DGKK: variants seen among roughly 807,000 people sequenced by gnomAD.
The protein encoded by DGKK is diacylglycerol kinase kappa, also known as 142 kDa diacylglycerol kinase.
A neutral mutation model predicts 92.2 loss-of-function variants in DGKK; 35 were observed. That is an observed-to-expected ratio of 0.38 (90% CI 0.29 to 0.50). The LOEUF (loss-of-function observed/expected upper bound fraction) is 0.50. Among genes scored for constraint, DGKK ranks in the 20% least tolerant of loss-of-function variants. The pLI is 0.92. For missense variants in DGKK, 910 were observed against 992.2 expected (o/e 0.92, Z 1.11); for synonymous variants, 368 against 360.6 (o/e 1.02, Z -0.23).
At chrX:50,431,490 A>G (rs1925886880) in intron 1 of DGKK, among the ~76,000 whole-genome samples, 1 of 111,543 alleles carries the variant, frequency 9.0e-6, no homozygotes, top group Non-Finnish European at 1.9e-5. Context: ...TTCCGTTTTA[A>G]TTTCTCTTGT....
intron 1 of DGKK, among the ~76,000 whole-genome samples, chrX:50,454,352 T>C (rs1602303910): frequency 9.0e-6 from 1 of 111,531 alleles, no homozygotes; most frequent in South Asian, 3.9e-4. Context: ...AGGTGTTAAA[T>C]GAATGATTTT....
intron 1 of DGKK, among the ~76,000 whole-genome samples, chrX:50,427,648 A>G (rs1000925341): frequency 5.7e-5 from 6 of 105,870 alleles, no homozygotes; most frequent in African/African-American, 2.0e-4. Flanking sequence ...AGTAGCCCCA[A>G]GCAGGTAACA....
intron 2 of DGKK, 128 bp downstream of exon 2, chrX:50,424,120 A>G (rs1925674317): frequency 2.0e-6 from 1 of 499,537 alleles, no homozygotes; most frequent in Admixed American, 4.4e-5. Flanking sequence ...CAAGTTAAAA[A>G]AAGAGTAGAG....
intron 1 of DGKK, among the ~76,000 whole-genome samples, chrX:50,457,550 A>T (rs781969407): frequency 8.9e-6 from 1 of 111,959 alleles, no homozygotes; most frequent in South Asian, 3.7e-4. Flanking sequence ...ATTTTGTAAG[A>T]TACTTCGTAT....
intron 2 of DGKK, among the ~76,000 whole-genome samples, chrX:50,423,828 TCG>T (rs1925665091): frequency 8.9e-6 from 1 of 112,326 alleles, no homozygotes; most frequent in Non-Finnish European, 1.9e-5. Context: ...TTATTTAAAA[TCG>T]TATTTTTCTT....
intron 8 of DGKK, among the ~76,000 whole-genome samples, chrX:50,399,871 C>T (rs782217098): frequency 1.8e-5 from 2 of 111,491 alleles, no homozygotes; most frequent in South Asian, 3.8e-4. Flanking sequence ...TCAGAAAAAA[C>T]AAAGAAAAAG....
chrX:50,384,956 G>T, intron 15 of DGKK, 132 bp from the exon 16 acceptor site: 1 of 485,739 alleles, frequency 2.1e-6, no homozygotes, highest in Non-Finnish European at 3.4e-6. Context: ...CATCTATTTT[G>T]TTTAGTTAGT....
chrX:50,419,347 T>A (rs1274192128), intron 4 of DGKK, among the ~76,000 whole-genome samples: 1 of 111,541 alleles, frequency 9.0e-6, no homozygotes, highest in Admixed American at 9.5e-5. Context: ...GCCTGAGAAG[T>A]CCTCGGGGAG....
At chrX:50,408,392 T>C (rs1207794770) in intron 4 of DGKK, among the ~76,000 whole-genome samples, 1 of 112,250 alleles carries the variant, frequency 8.9e-6, no homozygotes, top group Non-Finnish European at 1.9e-5. Context: ...TTTCTTTCTT[T>C]TTTTGAGACG....
chrX:50,456,457 C>T (rs1926613487), intron 1 of DGKK, among the ~76,000 whole-genome samples: 1 of 111,353 alleles, frequency 9.0e-6, no homozygotes, highest in African/African-American at 3.3e-5. Flanking sequence ...AGTGAAAAGC[C>T]TACCAGAAAT....
chrX:50,399,221 G>A (rs983299626), intron 8 of DGKK, among the ~76,000 whole-genome samples: 7 of 106,178 alleles, frequency 6.6e-5, no homozygotes, highest in Non-Finnish European at 1.2e-4. Flanking sequence ...AAAAATAACC[G>A]GAAGGATCTA....
At chrX:50,369,099 G>T in intron 27 of DGKK, 80 bp from the exon 28 acceptor site, 1 of 743,996 alleles carries the variant, frequency 1.3e-6, no homozygotes, top group Non-Finnish European at 2.0e-6. Flanking sequence ...CCAAAAGAGA[G>T]CAAAAAGTCT....
At chrX:50,397,016 T>C (rs1209481488) in intron 8 of DGKK, among the ~76,000 whole-genome samples, 3 of 111,998 alleles carry the variant, frequency 2.7e-5, no homozygotes, top group South Asian at 7.5e-4. Context: ...ACAGGCTGAC[T>C]GGTCAAAGTC....
intron 22 of DGKK, among the ~76,000 whole-genome samples, chrX:50,377,287 T>C (rs1924299700): frequency 8.9e-6 from 1 of 112,263 alleles, no homozygotes; most frequent in South Asian, 3.7e-4. Context: ...GTAGGCAATA[T>C]GTGGTGATGC....
In DGKK at chrX:50,368,991, T is replaced by C; in HGVS notation, c.3765A>G (p.Glu1255=). 1 of 1,209,980 alleles carries C rather than the reference T, an allele frequency of 8.3e-7. No individual in the cohort carries two copies. Residue 1255 remains glutamate (E), a synonymous_variant, in exon 28 of 28, where the codon GAA becomes GAG. Coordinates refer to ENST00000611977, the MANE Select transcript of DGKK (RefSeq NM_001013742.4). ...IGNLWHRRHR[E]DEAEGDDPLT... ...GAGGATCATCACCCTCTGCTTCATC[T>C]TCACGATGTCTGCGGTGCCATAAAT...
rs782310905 is a variant in DGKK at position 50,470,545 on chromosome X, AGCGGCGGAGCCG to A, written c.122_133del (p.Pro41_Pro44del). On this transcript the variant is annotated inframe_deletion, in exon 1 of 28. Transcript: ENST00000611977. Reference sequence around the variant, plus strand: ...GGGTTCTGGCGAAGCCTCGGAGAGCAGCGGCGGAGCCGGCGGCGGAGCCGGTGGTGGTGGCGG... The same window carrying A: ...GGGTTCTGGCGAAGCCTCGGAGAGCAGCGGCGGAGCCGGTGGTGGTGGCGG... 6.3e-4 allele frequency: 763 copies of A among 1,208,012 alleles called. No homozygotes were observed. The highest frequency in any genetic ancestry group is 9.5e-4 in the South Asian group (54 of 56,873).
intron 25 of DGKK, among the ~76,000 whole-genome samples, chrX:50,374,130 C>T (rs1924210399): frequency 8.9e-6 from 1 of 112,049 alleles, no homozygotes; most frequent in Non-Finnish European, 1.9e-5. Context: ...ATCCCCAGTA[C>T]ATCAGAATGT....
rs1228239048 is a variant in DGKK, at chrX:50,420,416, C to A, written c.929G>T (p.Gly310Val). 2.5e-6 allele frequency: 3 copies of A among 1,206,897 alleles called. No homozygotes were observed. The highest frequency in any genetic ancestry group is 3.4e-6 in the Non-Finnish European group (3 of 893,179). ...TAGTTTTCTTACCTTATAAATTTCT[C>A]CCTGTTGGATGGTTTTTATGATGTT... ...WINIIKTIQQ[G>V]EIYKIPAAEN... Residue 310 changes from glycine (G) to valine (V), a missense_variant, in exon 4 of 28, where the codon GGA becomes GTA. Transcript: ENST00000611977.
At chrX:50,403,206 A>G in intron 6 of DGKK, 23 bp from the exon 7 acceptor site, 4 of 1,169,906 alleles carry the variant, frequency 3.4e-6, no homozygotes, top group Non-Finnish European at 4.6e-6. Context: ...AAAAAGACAC[A>G]GGAGGTAGAA....
Sources: allele counts gnomAD v4.1 joint callset (sites outside exome capture counted in the v4.1 genomes callset), GRCh38; gene constraint gnomAD v4.1.1; transcripts MANE v1.5; gene names NCBI Gene and HGNC (gene_info 2026-07-23, HGNC 2026-07-21).